The following RNF11 variants were observed in gnomAD, a reference collection of about 807,000 sequenced individuals.
RNF11 encodes ring finger protein 11.
RNF11 carries 4 observed loss-of-function variants against 15.8 expected under a neutral mutation model. That is an observed-to-expected ratio of 0.25 (90% confidence interval 0.12 to 0.58). The LOEUF (loss-of-function observed/expected upper bound fraction) is 0.58. Ranked by LOEUF, RNF11 falls within the 20% of genes least tolerant of loss-of-function variation. The pLI, the probability that RNF11 is intolerant of heterozygous loss-of-function variation, is 0.91. For synonymous variants in RNF11, 68 were observed against 72.3 expected, an observed-to-expected ratio of 0.94 and a Z score of 0.30; for missense variants, 139 against 194.4, an observed-to-expected ratio of 0.71 and a Z score of 1.70.
chr1:51,264,001 C>A (rs1048350652), intron 1 of RNF11, among the ~76,000 whole-genome samples: 4 of 151,898 alleles, frequency 2.6e-5, no homozygotes, highest in African/African-American at 9.7e-5. Flanking sequence ...CTCCTGGGAT[C>A]CCAGCACTTT....
intron 1 of RNF11, among the ~76,000 whole-genome samples, chr1:51,255,417 A>C (rs1331334824): frequency 6.6e-6 from 1 of 152,114 alleles, no homozygotes; most frequent in Non-Finnish European, 1.5e-5. Context: ...ATGCCACCAC[A>C]CCTGGCTAAT....
chr1:51,268,375 TC>T (rs1267755312), intron 1 of RNF11, among the ~76,000 whole-genome samples: 2 of 152,234 alleles, frequency 1.3e-5, no homozygotes, highest in Non-Finnish European at 2.9e-5. Flanking sequence ...TAGAGAGGGT[TC>T]CTTTGTTTTA....
chr1:51,257,319 C>CCT (rs1200793371), intron 1 of RNF11, among the ~76,000 whole-genome samples: 6 of 152,200 alleles, frequency 3.9e-5, no homozygotes, highest in Non-Finnish European at 8.8e-5. Context: ...GGTTTATTTT[C>CCT]CTCTCCGCCT....
intron 1 of RNF11, among the ~76,000 whole-genome samples, chr1:51,264,321 C>CAA (rs1646945897): frequency 1.1e-5 from 1 of 91,756 alleles, no homozygotes; most frequent in Non-Finnish European, 2.1e-5. Context: ...TATATATACA[C>CAA]ACACACACAC....
chr1:51,272,067 G>T lies in RNF11; in HGVS notation c.*745G>T, dbSNP rs182062668. On this transcript the variant is annotated 3_prime_UTR_variant, in exon 3 of 3. Coordinates refer to ENST00000242719, the MANE Select transcript of RNF11 (RefSeq NM_014372.5). ...CAAGAAACCAACTCTATTAAGGTGG[G>T]GTTTAATATTACCCTTTCCTATGTG... 1 of 152,334 alleles carries T rather than the reference G, an allele frequency of 6.6e-6. No homozygotes were observed. The highest frequency in any genetic ancestry group is 1.9e-4 in the East Asian group (1 of 5,172). The allele number at this position is 152,334 out of a possible 1,614,324, so 9.4% of individuals were successfully genotyped here. A position where few individuals can be genotyped will look rare whatever the true frequency, so the allele number is the denominator to read the frequency against.
intron 1 of RNF11, among the ~76,000 whole-genome samples, chr1:51,249,888 A>G (rs777950374): frequency 6.6e-6 from 1 of 152,218 alleles, no homozygotes; most frequent in African/African-American, 2.4e-5. Context: ...AAAATAAACA[A>G]GAGTTGACAG....
At chr1:51,264,116 G>A (rs898860330) in intron 1 of RNF11, among the ~76,000 whole-genome samples, 1 of 150,988 alleles carries the variant, frequency 6.6e-6, no homozygotes, top group African/African-American at 2.4e-5. Context: ...AATTAGCGGG[G>A]CATAGTAGCA....
intron 1 of RNF11, among the ~76,000 whole-genome samples, chr1:51,237,268 C>T (rs1646808309): frequency 6.6e-6 from 1 of 151,802 alleles, no homozygotes; most frequent in South Asian, 2.1e-4. Flanking sequence ...AAGCACCACC[C>T]CCCCGCCCCA....
At chr1:51,243,605 A>C (rs1246524352) in intron 1 of RNF11, among the ~76,000 whole-genome samples, 1 of 151,952 alleles carries the variant, frequency 6.6e-6, no homozygotes, top group African/African-American at 2.4e-5. Flanking sequence ...CACCCAGCTA[A>C]TTTTTGTATT....
chr1:51,249,732 T>G (rs192160907), intron 1 of RNF11, among the ~76,000 whole-genome samples: 1 of 152,358 alleles, frequency 6.6e-6, no homozygotes, highest in Non-Finnish European at 1.5e-5. Flanking sequence ...TTGGGTAGTA[T>G]CAATTTTTGG....
chr1:51,264,317 T>TACACAC lies in RNF11; in HGVS notation c.124-5621_124-5616dup, dbSNP rs376270848. ...ATATATATATATATATATATATATA[T>TACACAC]ACACACACACACACACACACACATT... On this transcript the variant is annotated intron_variant, in intron 1 of 2. Coordinates refer to ENST00000242719, the MANE Select transcript of RNF11 (RefSeq NM_014372.5). 3.0e-4 allele frequency among the ~76,000 whole-genome samples: 23 copies of TACACAC among 75,524 alleles called. 1 individual carries two copies. Among genetic ancestry groups the TACACAC allele is most frequent in the African/African-American group, 1.1e-3 (20 of 17,698 alleles). The allele number at this position is 75,524 out of a possible 152,430, so 49.5% of individuals were successfully genotyped here.
At chr1:51,252,081 CAAAAA>C (rs928146865) in intron 1 of RNF11, among the ~76,000 whole-genome samples, 1 of 53,648 alleles carries the variant, frequency 1.9e-5, no homozygotes, top group Admixed American at 2.2e-4. Context: ...CATCTCAAAG[CAAAAA>C]AAAAAAAAAA....
intron 1 of RNF11, among the ~76,000 whole-genome samples, chr1:51,267,971 T>TA (rs1646962303): frequency 6.6e-6 from 1 of 152,236 alleles, no homozygotes; most frequent in South Asian, 2.1e-4. Context: ...CCTCAGGTGA[T>TA]ACGCCTGCCT....
intron 1 of RNF11, among the ~76,000 whole-genome samples, chr1:51,255,869 G>A (rs1431568406): frequency 6.6e-6 from 1 of 152,158 alleles, no homozygotes; most frequent in Non-Finnish European, 1.5e-5. Flanking sequence ...AGCTTTATAA[G>A]TAAGGTTTGA....
intron 1 of RNF11, among the ~76,000 whole-genome samples, chr1:51,244,195 A>C: frequency 6.6e-6 from 1 of 152,216 alleles, no homozygotes; most frequent in South Asian, 2.1e-4. Context: ...TTCACAAAGC[A>C]CGCACTTATA....
In RNF11 at chr1:51,270,122, G is replaced by A. The variant is rs773113225; in HGVS notation, c.290G>A (p.Arg97Gln). 6 of 1,586,762 alleles carry A rather than the reference G, an allele frequency of 3.8e-6. No individual in the cohort carries two copies. Among genetic ancestry groups the A allele is most frequent in the South Asian group, 1.2e-5 (1 of 85,288 alleles). The change falls in exon 2 of 3, where the codon CGG (arginine) becomes CAG (glutamine). Residue 97 changes from arginine to glutamine, a missense_variant. Coordinates refer to ENST00000242719, the MANE Select transcript of RNF11 (RefSeq NM_014372.5). ...PGRDGSEKKI[R>Q]ECVICMMDFV... ...AGAGATGGATCAGAAAAAAAGATCC[G>A]GGAGTAAGTTTTAATTAATTTGTAC... is the stretch of plus-strand genomic sequence containing the variant.
At chr1:51,266,943 G>C in intron 1 of RNF11, among the ~76,000 whole-genome samples, 1 of 152,162 alleles carries the variant, frequency 6.6e-6, no homozygotes, top group Non-Finnish European at 1.5e-5. Flanking sequence ...CATAGCCCCT[G>C]CCCTTATCAG....
chr1:51,249,021 G>T (rs1054174794), intron 1 of RNF11, among the ~76,000 whole-genome samples: 1 of 152,158 alleles, frequency 6.6e-6, no homozygotes, highest in African/African-American at 2.4e-5. Flanking sequence ...ATATGGGAGG[G>T]TGTACAGGTT....
intron 1 of RNF11, among the ~76,000 whole-genome samples, chr1:51,267,126 C>T (rs1646958412): frequency 6.6e-6 from 1 of 152,176 alleles, no homozygotes. Flanking sequence ...GTAATCCCAG[C>T]TACTGGGGAG....
Sources: allele counts gnomAD v4.1 joint callset (sites outside exome capture counted in the v4.1 genomes callset), GRCh38; gene constraint gnomAD v4.1.1; transcripts MANE v1.5; gene names NCBI Gene and HGNC (gene_info 2026-07-23, HGNC 2026-07-21).